Variants in IL6R observed in about 807,000 individuals in gnomAD.
The protein encoded by IL6R is interleukin 6 receptor.
A neutral mutation model predicts 48.3 loss-of-function variants in IL6R; 38 were observed. The observed-to-expected ratio is 0.79, with a 90% CI of 0.61 to 1.03. The LOEUF (loss-of-function observed/expected upper bound fraction) is 1.03, where lower values mean the gene tolerates loss of function less well. Ranked by LOEUF, IL6R falls within the 50% of genes least tolerant of loss-of-function variation. IL6R has a pLI of 0.00. For missense variants in IL6R, 534 were observed against 618.3 expected (o/e 0.86, Z 1.45); for synonymous variants, 264 against 256.2 (o/e 1.03, Z -0.29).
intron 7 of IL6R, 52 bp from the exon 8 acceptor site, chr1:154,449,859 A>C: frequency 1.7e-6 from 2 of 1,198,368 alleles, no homozygotes; most frequent in Non-Finnish European, 1.2e-6. Flanking sequence ...CTGGTTCTGA[A>C]TGATGGTGCA....
intron 1 of IL6R, chr1:154,414,446 T>A (rs1688215225): frequency 3.1e-6 from 4 of 1,288,996 alleles, no homozygotes; most frequent in Non-Finnish European, 4.4e-6. Context: ...GTCTTCTGGC[T>A]CCTGCTGCTG....
intron 6 of IL6R, chr1:154,437,438 G>A (rs1689692619): frequency 5.3e-6 from 2 of 380,438 alleles, no homozygotes; most frequent in East Asian, 7.9e-5. Flanking sequence ...TTTGAAGACA[G>A]GCTTTCTCCT....
At chr1:154,417,534 C>T (rs1688421664) in intron 1 of IL6R, among the ~76,000 whole-genome samples, 1 of 152,068 alleles carries the variant, frequency 6.6e-6, no homozygotes, top group African/African-American at 2.4e-5. Flanking sequence ...TCTATCTGCT[C>T]CTGGGGTTAG....
chr1:154,447,450 A>C, intron 6 of IL6R, among the ~76,000 whole-genome samples: 1 of 69,386 alleles, frequency 1.4e-5, no homozygotes, highest in African/African-American at 8.3e-5. Context: ...AAAAAAAAAA[A>C]AAAAATATAT....
chr1:154,464,729 C>T (rs981752020), intron 9 of IL6R, among the ~76,000 whole-genome samples: 5 of 151,894 alleles, frequency 3.3e-5, no homozygotes, highest in Non-Finnish European at 5.9e-5. Context: ...GAGGCCGAGG[C>T]GGGCGGATTG....
chr1:154,454,508 C>CAGTCCTTCTT lies in IL6R; in HGVS notation c.1087_1088insAGTCCTTCTT (p.Pro363GlnfsTer81). On this transcript the variant is annotated frameshift_variant, in exon 9 of 10. Transcript: ENST00000368485. LOFTEE classifies it high-confidence loss of function. ...CCTAGTGCAAGATTCTTCTTCAGTACCACTGCCCACATTCCTGGTTGCTGG... is the reference window on the plus strand; with the variant it reads ...CCTAGTGCAAGATTCTTCTTCAGTACAGTCCTTCTTCACTGCCCACATTCCTGGTTGCTGG... The CAGTCCTTCTT allele has an allele frequency of 6.2e-7, 1 of 1,612,570 alleles. No homozygotes were observed. Among genetic ancestry groups the CAGTCCTTCTT allele is most frequent in the Non-Finnish European group, 8.5e-7 (1 of 1,178,718 alleles).
At chr1:154,444,896 C>G (rs1254783359) in intron 6 of IL6R, among the ~76,000 whole-genome samples, 1 of 152,170 alleles carries the variant, frequency 6.6e-6, no homozygotes, top group African/African-American at 2.4e-5. Context: ...GAGGGAGACC[C>G]TGTCTTAACA....
chr1:154,427,401 G>A (rs1395131837), intron 1 of IL6R, among the ~76,000 whole-genome samples: 1 of 152,228 alleles, frequency 6.6e-6, no homozygotes, highest in Admixed American at 6.5e-5. Flanking sequence ...GTGGGAGAAA[G>A]TAAGGCCATA....
intron 1 of IL6R, among the ~76,000 whole-genome samples, chr1:154,412,446 C>T (rs140766646): frequency 0.014 from 2,151 of 151,934 alleles, 59 homozygotes; most frequent in African/African-American, 0.048. Flanking sequence ...TTAGTAGAGA[C>T]GGGGTTTCAC....
intron 2 of IL6R, 113 bp from the exon 3 acceptor site, chr1:154,430,370 G>C (rs1016240299): frequency 6.5e-6 from 9 of 1,374,680 alleles, no homozygotes; most frequent in African/African-American, 4.4e-5. Flanking sequence ...TCCAGGGCTG[G>C]GGCCGAGGGG....
chr1:154,461,219 G>A (rs1192374189), intron 9 of IL6R, among the ~76,000 whole-genome samples: 2 of 152,288 alleles, frequency 1.3e-5, no homozygotes, highest in South Asian at 2.1e-4. Flanking sequence ...CCAGGAGTGC[G>A]GGAGGAGCAT....
At chr1:154,460,079 C>T (rs143811347) in intron 9 of IL6R, among the ~76,000 whole-genome samples, 1 of 152,094 alleles carries the variant, frequency 6.6e-6, no homozygotes, top group South Asian at 2.1e-4. Flanking sequence ...ACATATCTTT[C>T]TAAAAAAGAG....
At chr1:154,419,814 T>C (rs1445514173) in intron 1 of IL6R, among the ~76,000 whole-genome samples, 1 of 152,196 alleles carries the variant, frequency 6.6e-6, no homozygotes, top group Non-Finnish European at 1.5e-5. Flanking sequence ...GTTATTGACA[T>C]TTGCAAGTTT....
At chr1:154,464,507 TGAAC>T (rs1033065795) in intron 9 of IL6R, among the ~76,000 whole-genome samples, 6 of 152,314 alleles carry the variant, frequency 3.9e-5, no homozygotes, top group Admixed American at 3.9e-4. Context: ...GTGTACCTAA[TGAAC>T]AGCCTCTGCA....
intron 1 of IL6R, among the ~76,000 whole-genome samples, chr1:154,420,561 C>G (rs1222109288): frequency 6.9e-6 from 1 of 145,876 alleles, no homozygotes; most frequent in Non-Finnish European, 1.5e-5. Context: ...GAGTCTCGCC[C>G]AGGCTGGAGT....
At chr1:154,454,005 C>T (rs2149268327) in intron 8 of IL6R, 1 of 166,778 alleles carries the variant, frequency 6.0e-6, no homozygotes, top group African/African-American at 2.4e-5. Flanking sequence ...GATGACACCC[C>T]CATGGAGAAA....
At chr1:154,430,395 C>T in intron 2 of IL6R, 88 bp from the exon 3 acceptor site, 3 of 1,526,552 alleles carry the variant, frequency 2.0e-6, no homozygotes, top group Non-Finnish European at 2.6e-6. Context: ...GCCACGTGCT[C>T]CCCTCAAGGG....
intron 7 of IL6R, among the ~76,000 whole-genome samples, chr1:154,448,881 T>C (rs80341943): frequency 0.031 from 3,881 of 126,498 alleles, 443 homozygotes; most frequent in African/African-American, 0.095. Context: ...AGGGCTTTTT[T>C]TTTTTTTTTT....
chr1:154,463,756 A>C (rs1691390074), intron 9 of IL6R, among the ~76,000 whole-genome samples: 1 of 152,202 alleles, frequency 6.6e-6, no homozygotes, highest in Admixed American at 6.5e-5. Flanking sequence ...TCTTTCTTTG[A>C]GCTGTCAAGT....
Sources: gnomAD v4.1 joint callset for allele counts (sites outside exome capture counted in the v4.1 genomes callset) on GRCh38, gnomAD v4.1.1 for gene constraint, MANE v1.5 for transcripts, NCBI Gene and HGNC (gene_info 2026-07-23, HGNC 2026-07-21) for gene names.